The following PTPRD variants were observed in gnomAD, a reference collection of about 807,000 sequenced individuals.
PTPRD encodes protein tyrosine phosphatase receptor type D, also known as receptor-type tyrosine-protein phosphatase delta.
Under a neutral mutation model 214.5 loss-of-function variants are expected in PTPRD, and 34 were observed. The ratio of observed to expected loss-of-function variants is 0.16; its 90% CI spans 0.12 to 0.21. The LOEUF (loss-of-function observed/expected upper bound fraction) is 0.21, where lower values mean the gene tolerates loss of function less well. Ranked by LOEUF, PTPRD falls within the 10% of genes least tolerant of loss-of-function variation. The pLI, the probability that PTPRD is intolerant of heterozygous loss-of-function variation, is 1.00. For synonymous variants in PTPRD, 1,128 were observed against 845.7 expected (o/e 1.33, Z -5.79); for missense variants, 2,545 against 2,398.7 (o/e 1.06, Z -1.27).
rs33960598 is a variant in PTPRD, at chr9:9,219,418, TAA to T, written c.-202-36057_-202-36056del. 7.9e-3 allele frequency among the ~76,000 whole-genome samples: 1,197 copies of T among 150,674 alleles called. 14 individuals carry two copies. Among genetic ancestry groups the T allele is most frequent in the African/African-American group, 0.028 (1,135 of 41,114 alleles). On this transcript the variant is annotated intron_variant, in intron 9 of 45. Transcript: ENST00000381196. ...AATGCATCTTCTGTGCTTATTAAAT[TAA>T]AAAAAAAAACATTATAGCAAGGAAT...
At chr9:8,677,641 G>A (rs942483245) in intron 12 of PTPRD, among the ~76,000 whole-genome samples, 1 of 152,130 alleles carries the variant, frequency 6.6e-6, no homozygotes, top group Non-Finnish European at 1.5e-5. Context: ...GAACCAATCT[G>A]CACATGTACC....
chr9:8,607,309 A>G (rs2095264278), intron 14 of PTPRD, among the ~76,000 whole-genome samples: 2 of 152,176 alleles, frequency 1.3e-5, no homozygotes, highest in South Asian at 4.1e-4. Flanking sequence ...GTCTATTAAA[A>G]TCTGTAAGCA....
chr9:9,794,310 A>G (rs559838875), intron 5 of PTPRD, among the ~76,000 whole-genome samples: 76 of 152,098 alleles, frequency 5.0e-4, no homozygotes, highest in Admixed American at 8.5e-4. Context: ...AGGTGTTACC[A>G]AGAAATGACA....
chr9:8,740,442 T>C (rs952934527), intron 11 of PTPRD, among the ~76,000 whole-genome samples: 9 of 152,184 alleles, frequency 5.9e-5, no homozygotes, highest in Non-Finnish European at 1.3e-4. Flanking sequence ...ATTCGATTAA[T>C]ATTAGCGAGG....
At chr9:10,349,435 A>G (rs1019650972) in intron 2 of PTPRD, among the ~76,000 whole-genome samples, 1 of 152,142 alleles carries the variant, frequency 6.6e-6, no homozygotes, top group Admixed American at 6.5e-5. Flanking sequence ...ATTGTGGCCT[A>G]TGTTCCCATC....
intron 4 of PTPRD, among the ~76,000 whole-genome samples, chr9:10,022,274 T>G (rs2096838651): frequency 1.0e-5 from 1 of 96,486 alleles, no homozygotes; most frequent in Admixed American, 1.3e-4. Flanking sequence ...AACCTGGAAA[T>G]TTGAACTTTC....
intron 7 of PTPRD, among the ~76,000 whole-genome samples, chr9:9,629,747 GCT>G (rs2095532923): frequency 6.6e-6 from 1 of 151,962 alleles, no homozygotes; most frequent in Admixed American, 6.6e-5. Flanking sequence ...AAAGGAATAG[GCT>G]CTTTCCCTTC....
At chr9:10,221,968 G>A (rs1055413891) in intron 3 of PTPRD, among the ~76,000 whole-genome samples, 1 of 151,772 alleles carries the variant, frequency 6.6e-6, no homozygotes, top group Non-Finnish European at 1.5e-5. Flanking sequence ...TAACAACATT[G>A]CTCTTCAACA....
chr9:9,618,159 G>C (rs1443631024), intron 7 of PTPRD, among the ~76,000 whole-genome samples: 1 of 149,118 alleles, frequency 6.7e-6, no homozygotes, highest in Non-Finnish European at 1.5e-5. Context: ...TGGAGGTGGG[G>C]TATTCCTTAA....
intron 3 of PTPRD, among the ~76,000 whole-genome samples, chr9:10,305,538 A>T (rs1201875045): frequency 6.6e-6 from 1 of 152,144 alleles, no homozygotes; most frequent in Admixed American, 6.5e-5. Flanking sequence ...AAGGGCTAAT[A>T]TCCAGAATCT....
chr9:8,859,488 G>C (rs900378707), intron 11 of PTPRD, among the ~76,000 whole-genome samples: 2 of 152,206 alleles, frequency 1.3e-5, no homozygotes, highest in African/African-American at 4.8e-5. Context: ...GTTAAATAAA[G>C]TAAAGCTAGA....
In PTPRD at chr9:9,394,375, C is replaced by T. The variant is rs557426340; in HGVS notation, c.-203+3074G>A. Among the ~76,000 whole-genome samples, 19 of 152,166 alleles carry T rather than the reference C, an allele frequency of 1.2e-4. No homozygotes were observed. In the South Asian group the frequency reaches 2.1e-3, roughly 17 times the overall value. ...TCTATTCCTAGTGCCTTAAAAATTG[C>T]CTAGTATATAAAAGCTCCTCCAGAA... On this transcript the variant is annotated intron_variant, in intron 9 of 45. Transcript: ENST00000381196.
chr9:8,558,929 A>G (rs1201282000), intron 14 of PTPRD, among the ~76,000 whole-genome samples: 1 of 152,224 alleles, frequency 6.6e-6, no homozygotes, highest in African/African-American at 2.4e-5. Context: ...ATCAGAACTT[A>G]TCAATTAATT....
At chr9:8,682,250 T>G (rs1175208576) in intron 12 of PTPRD, among the ~76,000 whole-genome samples, 1 of 152,230 alleles carries the variant, frequency 6.6e-6, no homozygotes, top group East Asian at 1.9e-4. Context: ...AATGTAAATT[T>G]ATTTATTAAA....
At chr9:8,806,728 T>A (rs2096690155) in intron 11 of PTPRD, among the ~76,000 whole-genome samples, 1 of 152,206 alleles carries the variant, frequency 6.6e-6, no homozygotes, top group Non-Finnish European at 1.5e-5. Context: ...TGTTTTAATG[T>A]GTTCCATCTG....
chr9:8,913,462 A>G (rs1156590976), intron 11 of PTPRD, among the ~76,000 whole-genome samples: 1 of 152,152 alleles, frequency 6.6e-6, no homozygotes, highest in African/African-American at 2.4e-5. Flanking sequence ...ATCAAGCCTC[A>G]AAAATCAAGC....
intron 3 of PTPRD, among the ~76,000 whole-genome samples, chr9:10,184,360 G>A (rs912061321): frequency 6.6e-6 from 1 of 152,076 alleles, no homozygotes; most frequent in African/African-American, 2.4e-5. Context: ...GGGAGGCAGA[G>A]GTTGCAATGA....
chr9:9,723,774 T>A (rs1213262447), intron 7 of PTPRD, among the ~76,000 whole-genome samples: 1 of 152,136 alleles, frequency 6.6e-6, no homozygotes, highest in Non-Finnish European at 1.5e-5. Context: ...TGATACTGTT[T>A]TGAATAGAAG....
intron 14 of PTPRD, among the ~76,000 whole-genome samples, chr9:8,530,256 C>T (rs1272657255): frequency 1.3e-5 from 2 of 152,040 alleles, no homozygotes; most frequent in African/African-American, 2.4e-5. Context: ...TCCTAAACCT[C>T]ACTAGCAAAG....
Sources: allele counts gnomAD v4.1 joint callset (sites outside exome capture counted in the v4.1 genomes callset), GRCh38; gene constraint gnomAD v4.1.1; transcripts MANE v1.5; gene names NCBI Gene and HGNC (gene_info 2026-07-23, HGNC 2026-07-21).